Variants in MACROD2 observed in about 807,000 individuals in gnomAD.
MACROD2 encodes ADP-ribose glycohydrolase MACROD2.
A neutral mutation model predicts 70.4 loss-of-function variants in MACROD2; 36 were observed. The observed-to-expected ratio is 0.51, with a 90% confidence interval of 0.39 to 0.68. MACROD2 has a LOEUF of 0.68. Among genes scored for constraint, MACROD2 ranks in the 30% least tolerant of loss-of-function variants. The probability of loss-of-function intolerance (pLI) is 0.00; values close to 1 mark genes in which losing one functional copy is unlikely to be tolerated. For missense variants in MACROD2, 496 were observed against 538.4 expected (o/e 0.92, Z 0.78); for synonymous variants, 172 against 178.8 (o/e 0.96, Z 0.30).
intron 8 of MACROD2, among the ~76,000 whole-genome samples, chr20:15,545,939 T>C (rs2048020576): frequency 1.3e-5 from 2 of 152,216 alleles, no homozygotes; most frequent in African/African-American, 4.8e-5. Flanking sequence ...TGACCACGCG[T>C]ATTTGAACAG....
chr20:14,546,818 C>A (rs2085495979), intron 4 of MACROD2, among the ~76,000 whole-genome samples: 1 of 152,026 alleles, frequency 6.6e-6, no homozygotes, highest in Admixed American at 6.6e-5. Context: ...AGCCATTGTT[C>A]CTAGCAAAAA....
At chr20:15,715,866 C>G (rs886380869) in intron 8 of MACROD2, among the ~76,000 whole-genome samples, 6 of 152,074 alleles carry the variant, frequency 3.9e-5, no homozygotes, top group African/African-American at 1.4e-4. Flanking sequence ...ATTTTATCAC[C>G]CTCATTTTAC....
intron 12 of MACROD2, among the ~76,000 whole-genome samples, chr20:15,953,613 A>C (rs1367886246): frequency 6.6e-6 from 1 of 152,210 alleles, no homozygotes; most frequent in East Asian, 1.9e-4. Context: ...GGAAAAAATG[A>C]GTGATAAATA....
chr20:14,558,381 T>G (rs1475290572), intron 4 of MACROD2, among the ~76,000 whole-genome samples: 1 of 151,706 alleles, frequency 6.6e-6, no homozygotes, highest in Non-Finnish European at 1.5e-5. Flanking sequence ...CTAAATAAAC[T>G]AATTAAAAGA....
chr20:14,927,956 T>G (rs931399881), intron 5 of MACROD2, among the ~76,000 whole-genome samples: 1 of 152,244 alleles, frequency 6.6e-6, no homozygotes, highest in African/African-American at 2.4e-5. Flanking sequence ...CCAGTTTTAC[T>G]TGTTAACCAA....
chr20:14,478,393 G>A (rs2084622300), intron 3 of MACROD2, among the ~76,000 whole-genome samples: 1 of 152,170 alleles, frequency 6.6e-6, no homozygotes, highest in South Asian at 2.1e-4. Context: ...GCCAGCTAAG[G>A]ACTATCTGCT....
intron 5 of MACROD2, among the ~76,000 whole-genome samples, chr20:14,955,669 G>A (rs2074529890): frequency 6.6e-6 from 1 of 151,930 alleles, no homozygotes; most frequent in South Asian, 2.1e-4. Flanking sequence ...ATTGCTTTTT[G>A]TCTTGTAGTT....
At chr20:15,494,829 T>G (rs898615755) in intron 7 of MACROD2, among the ~76,000 whole-genome samples, 5 of 151,934 alleles carry the variant, frequency 3.3e-5, no homozygotes, top group South Asian at 2.1e-4. Context: ...AATACAAAAG[T>G]AAATAAGAAA....
At chr20:15,523,154 G>C (rs1470836941) in intron 8 of MACROD2, among the ~76,000 whole-genome samples, 1 of 152,166 alleles carries the variant, frequency 6.6e-6, no homozygotes, top group Non-Finnish European at 1.5e-5. Context: ...ACCCTTTAAA[G>C]AGATTCTACA....
At chr20:14,682,467 A>G (rs1460692506) in intron 4 of MACROD2, among the ~76,000 whole-genome samples, 2 of 151,414 alleles carry the variant, frequency 1.3e-5, no homozygotes, top group Non-Finnish European at 2.9e-5. Context: ...CATTACATAT[A>G]TATATCCATA....
chr20:14,127,547 G>C (rs2054667278), intron 3 of MACROD2: 2 of 487,260 alleles, frequency 4.1e-6, no homozygotes, highest in Non-Finnish European at 7.6e-6. Context: ...CATTTTTGCA[G>C]GCAATTTTGA....
intron 4 of MACROD2, among the ~76,000 whole-genome samples, chr20:14,514,537 G>A (rs1264308291): frequency 6.6e-6 from 1 of 152,072 alleles, no homozygotes; most frequent in Non-Finnish European, 1.5e-5. Context: ...AAACAATTAC[G>A]TTAGACTACT....
intron 5 of MACROD2, among the ~76,000 whole-genome samples, chr20:14,962,854 C>T (rs1230970153): frequency 2.0e-5 from 3 of 151,954 alleles, no homozygotes; most frequent in Middle Eastern, 3.4e-3. Flanking sequence ...TCCACATTCC[C>T]GTAAAATTGC....
At chr20:15,664,383 A>G (rs1210907309) in intron 8 of MACROD2, among the ~76,000 whole-genome samples, 2 of 152,264 alleles carry the variant, frequency 1.3e-5, no homozygotes, top group African/African-American at 4.8e-5. Context: ...TTTAAGCAGC[A>G]TAAAATATTT....
intron 17 of MACROD2, among the ~76,000 whole-genome samples, chr20:16,047,394 G>C (rs1296942622): frequency 6.6e-6 from 1 of 152,206 alleles, no homozygotes; most frequent in African/African-American, 2.4e-5. Context: ...TGCATCAGTG[G>C]AACACTTTCC....
At chr20:15,097,947 G>C (rs78972926) in intron 5 of MACROD2, among the ~76,000 whole-genome samples, 4,887 of 152,156 alleles carry the variant, frequency 0.032, 138 homozygotes, top group South Asian at 0.11. Flanking sequence ...CTGGTGTTTG[G>C]CAAGTTCATA....
intron 3 of MACROD2, among the ~76,000 whole-genome samples, chr20:14,112,121 A>G (rs995560407): frequency 6.6e-6 from 1 of 152,074 alleles, no homozygotes; most frequent in Non-Finnish European, 1.5e-5. Flanking sequence ...CAGAAAGACA[A>G]ACTTCACATA....
intron 5 of MACROD2, among the ~76,000 whole-genome samples, chr20:14,966,565 G>A (rs1432157510): frequency 2.6e-5 from 4 of 152,194 alleles, no homozygotes; most frequent in African/African-American, 9.6e-5. Flanking sequence ...AACAGAGCAA[G>A]AACCTGTCTT....
chr20:15,892,805 A>C (rs2147223279), intron 10 of MACROD2: 1 of 394,686 alleles, frequency 2.5e-6, no homozygotes, highest in Non-Finnish European at 4.5e-6. Context: ...GACAGATGAA[A>C]CTGCAATTAA....
Sources: allele counts gnomAD v4.1 joint callset (sites outside exome capture counted in the v4.1 genomes callset), GRCh38; gene constraint gnomAD v4.1.1; transcripts MANE v1.5; gene names NCBI Gene and HGNC (gene_info 2026-07-23, HGNC 2026-07-21).